The following UGT2A2 variants were observed in gnomAD, a reference collection of about 807,000 sequenced individuals.
UGT2A2 encodes UDP-glucuronosyltransferase 2A2.
A neutral mutation model predicts 50.7 loss-of-function variants in UGT2A2; 60 were observed. The observed-to-expected ratio is 1.18, with a 90% confidence interval of 0.96 to 1.47. The LOEUF (loss-of-function observed/expected upper bound fraction) is 1.47. Ranked by LOEUF, UGT2A2 falls within the 40% of genes most tolerant of loss-of-function variation. UGT2A2 has a pLI of 0.00. For missense variants in UGT2A2, 762 were observed against 634.0 expected, an observed-to-expected ratio of 1.20 and a Z score of -2.17; for synonymous variants, 242 against 214.6, an observed-to-expected ratio of 1.13 and a Z score of -1.11.
chr4:69,639,078 A>G lies in UGT2A2; in HGVS notation c.563T>C (p.Val188Ala). 1 of 1,613,426 alleles carries G rather than the reference A, an allele frequency of 6.2e-7. No individual in the cohort carries two copies. Among genetic ancestry groups the G allele is most frequent in the Admixed American group, 1.7e-5 (1 of 59,898 alleles). ...YTLRFSPAST[V>A]ERHCGKIPAP... is the part of the protein sequence containing the mutation. Reference sequence around the variant, plus strand: ...TGGGATTTTCCCACAGTGTCTCTCCACTGTTGATGCTGGAGAGAACCTCAA... The same window carrying G: ...TGGGATTTTCCCACAGTGTCTCTCCGCTGTTGATGCTGGAGAGAACCTCAA... The change falls in exon 1 of 6, where the codon GTG (valine) becomes GCG (alanine). Residue 188 changes from valine to alanine, a missense_variant. Transcript: ENST00000604629.
intron 1 of UGT2A2, among the ~76,000 whole-genome samples, chr4:69,612,616 C>A (rs1271305757): frequency 1.3e-5 from 2 of 151,748 alleles, no homozygotes; most frequent in Non-Finnish European, 1.5e-5. Flanking sequence ...TGGACAAAAA[C>A]AAGAAATAGG....
chr4:69,634,648 C>T (rs1260816248), intron 1 of UGT2A2, among the ~76,000 whole-genome samples: 1 of 151,378 alleles, frequency 6.6e-6, no homozygotes, highest in Non-Finnish European at 1.5e-5. Context: ...ACCATATTGG[C>T]GGAACAAAGA....
intron 1 of UGT2A2, among the ~76,000 whole-genome samples, chr4:69,618,217 A>T (rs75876192): frequency 7.2e-4 from 72 of 99,770 alleles, no homozygotes; most frequent in Middle Eastern, 5.3e-3. Flanking sequence ...GTGTGTGTGT[A>T]TGTTTGTGTG....
rs1191066354 is a variant in UGT2A2, at chr4:69,588,722, A to G, written c.*650T>C. The G allele has an allele frequency of 1.6e-4, 25 of 152,096 alleles. No homozygotes were observed. The allele number at this position is 152,096 out of a possible 1,614,324, so 9.4% of individuals were successfully genotyped here. ...ACCCAAATCTTCCACTACAGGTTAT[A>G]TAAGAATATATGTTGAAGAAAGGCA... On this transcript the variant is annotated 3_prime_UTR_variant, in exon 6 of 6. Transcript: ENST00000604629.
chr4:69,599,685 G>A, intron 1 of UGT2A2: 1 of 254,124 alleles, frequency 3.9e-6, no homozygotes, highest in Non-Finnish European at 7.2e-6. Flanking sequence ...GAAAGAGGTA[G>A]AAATAAAGAA....
chr4:69,617,821 G>T (rs1164923870), intron 1 of UGT2A2, among the ~76,000 whole-genome samples: 1 of 151,454 alleles, frequency 6.6e-6, no homozygotes, highest in African/African-American at 2.4e-5. Flanking sequence ...AATATAACTA[G>T]GTTTCAAAAT....
At chr4:69,605,254 A>T (rs1007904267) in intron 1 of UGT2A2, among the ~76,000 whole-genome samples, 3 of 137,264 alleles carry the variant, frequency 2.2e-5, no homozygotes, top group African/African-American at 8.8e-5. Context: ...ATTAGAACTC[A>T]GGATTAAGAA....
At chr4:69,598,639 T>C (rs1238926870) in intron 2 of UGT2A2, among the ~76,000 whole-genome samples, 2 of 152,150 alleles carry the variant, frequency 1.3e-5, no homozygotes, top group African/African-American at 4.8e-5. Context: ...TTCTAGAAAT[T>C]ACCAAAACTC....
chr4:69,614,061 T>A (rs767257657), intron 1 of UGT2A2, among the ~76,000 whole-genome samples: 3 of 151,966 alleles, frequency 2.0e-5, no homozygotes, highest in Non-Finnish European at 2.9e-5. Context: ...AAAAATATGA[T>A]CTTGTATCTA....
intron 1 of UGT2A2, among the ~76,000 whole-genome samples, chr4:69,627,562 GAGAGAA>G (rs1721151380): frequency 2.0e-5 from 3 of 147,262 alleles, no homozygotes; most frequent in Non-Finnish European, 4.5e-5. Context: ...GAGAGAGAGA[GAGAGAA>G]AGAAAGAGAG....
At chr4:69,610,360 C>T (rs1271202284) in intron 1 of UGT2A2, among the ~76,000 whole-genome samples, 1 of 152,026 alleles carries the variant, frequency 6.6e-6, no homozygotes, top group Admixed American at 6.6e-5. Flanking sequence ...GGGTACAAAT[C>T]ATTTCATTTT....
chr4:69,595,505 G>A (rs1449650493), intron 3 of UGT2A2, among the ~76,000 whole-genome samples: 3 of 152,140 alleles, frequency 2.0e-5, no homozygotes, highest in Non-Finnish European at 2.9e-5. Flanking sequence ...TAGATTTTAA[G>A]TGAAGAAATA....
chr4:69,616,210 A>T (rs1720369589), intron 1 of UGT2A2, among the ~76,000 whole-genome samples: 1 of 151,818 alleles, frequency 6.6e-6, no homozygotes, highest in African/African-American at 2.4e-5. Flanking sequence ...GAGTAGAGAG[A>T]TGGTTACCAG....
At chr4:69,595,106 G>A in intron 4 of UGT2A2, 56 bp downstream of exon 4, 4 of 1,590,640 alleles carry the variant, frequency 2.5e-6, no homozygotes, top group East Asian at 4.5e-5. Flanking sequence ...CTATTAAACA[G>A]TTACTTAACT....
chr4:69,611,967 C>T (rs1424774358), intron 1 of UGT2A2, among the ~76,000 whole-genome samples: 1 of 151,910 alleles, frequency 6.6e-6, no homozygotes, highest in East Asian at 1.9e-4. Context: ...GAAAAATTTC[C>T]TCTGTTGACT....
chr4:69,611,460 TA>T lies in UGT2A2; in HGVS notation c.743-12067del, dbSNP rs1182084470. On this transcript the variant is annotated intron_variant, in intron 1 of 5. Transcript: ENST00000604629. ...AGAAATGATAAGAAAAAAAAACTAA[TA>T]AATGTATGCACACACTATGACAAGG... Among the ~76,000 whole-genome samples, 5 of 152,032 alleles carry T rather than the reference TA, an allele frequency of 3.3e-5. No homozygotes were observed. In the East Asian group the frequency reaches 9.7e-4, roughly 29 times the overall value.
intron 1 of UGT2A2, among the ~76,000 whole-genome samples, chr4:69,614,117 C>T (rs369709265): frequency 1.2e-5 from 1 of 85,648 alleles, no homozygotes. Context: ...GCTGATAAAC[C>T]CATTCAGTAG....
At chr4:69,603,817 G>A (rs1049665189) in intron 1 of UGT2A2, among the ~76,000 whole-genome samples, 2 of 136,980 alleles carry the variant, frequency 1.5e-5, no homozygotes, top group East Asian at 2.1e-4. Flanking sequence ...AAGGGTATCA[G>A]TGATGGAAGA....
chr4:69,598,723 C>T (rs1719078123), intron 2 of UGT2A2, among the ~76,000 whole-genome samples: 1 of 151,606 alleles, frequency 6.6e-6, no homozygotes, highest in African/African-American at 2.4e-5. Context: ...TTTTTTTTAA[C>T]CAATTGTTTC....
Sources: gnomAD v4.1 joint callset for allele counts (sites outside exome capture counted in the v4.1 genomes callset) on GRCh38, gnomAD v4.1.1 for gene constraint, MANE v1.5 for transcripts, NCBI Gene and HGNC (gene_info 2026-07-23, HGNC 2026-07-21) for gene names.